Variants in THSD7B observed in about 807,000 individuals in gnomAD.
THSD7B encodes the protein thrombospondin type 1 domain containing 7B.
A neutral mutation model predicts 213.6 loss-of-function variants in THSD7B; 138 were observed. The observed-to-expected ratio is 0.65, with a 90% CI of 0.56 to 0.74. THSD7B has a LOEUF of 0.74. Ranked by LOEUF, THSD7B falls within the 30% of genes least tolerant of loss-of-function variation. The probability of loss-of-function intolerance (pLI) is 0.00; values close to 1 mark genes in which losing one functional copy is unlikely to be tolerated. For synonymous variants in THSD7B, 742 were observed against 687.0 expected (o/e 1.08, Z -1.25); for missense variants, 1,931 against 1,991.5 (o/e 0.97, Z 0.58).
intron 3 of THSD7B, among the ~76,000 whole-genome samples, chr2:137,087,855 G>C (rs1335737839): frequency 2.0e-5 from 3 of 152,100 alleles, no homozygotes; most frequent in Non-Finnish European, 4.4e-5. Context: ...GCAAGACTAA[G>C]CAAAAAGGAC....
At position 137,615,572 on chromosome 2, in the gene THSD7B, T is replaced by C. The variant is rs114718538; in HGVS notation, c.3424-603T>C. ...GTATCATGATATTTGCAGGATATCT[T>C]TGGAGTTCACATTTTCACATTAATT... is the stretch of plus-strand genomic sequence containing the variant. On this transcript the variant is annotated intron_variant, in intron 17 of 27. Transcript: ENST00000409968. Among the ~76,000 whole-genome samples, 597 of 152,320 alleles carry C rather than the reference T, an allele frequency of 3.9e-3. 5 individuals are homozygous for C. Among genetic ancestry groups the C allele is most frequent in the African/African-American group, 0.014 (574 of 41,580 alleles).
chr2:137,421,046 A>ATTC lies in THSD7B; in HGVS notation c.2959+9174_2959+9175insTTC, dbSNP rs979725894. Among the ~76,000 whole-genome samples, 32 of 5,968 alleles carry ATTC rather than the reference A, an allele frequency of 5.4e-3. 1 individual carries two copies. The South Asian group carries it at 0.3, about 55-fold the overall frequency. The allele number at this position is 5,968 out of a possible 152,430, so 3.9% of individuals were successfully genotyped here. ...TTCTTCTTCTGCAGCAAACCTTTTG[A>ATTC]CTCCTTATAAAAACACTTACGACTA... On this transcript the variant is annotated intron_variant, in intron 14 of 27. Coordinates refer to ENST00000409968, the MANE Select transcript of THSD7B (RefSeq NM_001316349.2).
intron 10 of THSD7B, among the ~76,000 whole-genome samples, chr2:137,255,472 A>G (rs969805961): frequency 2.6e-5 from 4 of 152,116 alleles, no homozygotes; most frequent in South Asian, 2.1e-4. Context: ...CACAAGAACT[A>G]CTATGGAAGT....
At chr2:137,113,522 C>A (rs979176543) in intron 4 of THSD7B, among the ~76,000 whole-genome samples, 1 of 152,014 alleles carries the variant, frequency 6.6e-6, no homozygotes, top group Non-Finnish European at 1.5e-5. Context: ...CCGCACCCTC[C>A]GCCTCCTGGG....
At chr2:137,356,381 A>G (rs2104927990) in intron 12 of THSD7B, among the ~76,000 whole-genome samples, 1 of 152,264 alleles carries the variant, frequency 6.6e-6, no homozygotes, top group African/African-American at 2.4e-5. Flanking sequence ...CAAGCATCAG[A>G]TAACATCCTT....
intron 1 of THSD7B, among the ~76,000 whole-genome samples, chr2:136,832,901 A>C (rs956567336): frequency 9.7e-4 from 148 of 152,244 alleles, no homozygotes; most frequent in African/African-American, 3.3e-3. Context: ...CTCTAGTTAT[A>C]CTTTATCTCA....
rs1224685995 is a variant in THSD7B, at chr2:137,057,091, T to C, written c.811T>C (p.Ser271Pro). 2 of 1,613,854 alleles carry C rather than the reference T, an allele frequency of 1.2e-6. No individual in the cohort carries two copies. The highest frequency in any genetic ancestry group is 1.3e-5 in the African/African-American group (1 of 74,900). ...CGGAAGAACTGTTCTGGATTTTAAC[T>C]CTGATTCAAATGAGCGAGTCACCTT... ...PSGRTVLDFN[S>P]DSNERVTFKH... The change falls in exon 3 of 28, where the codon TCT (serine) becomes CCT (proline). Residue 271 changes from serine to proline, a missense_variant. Ser to Pro is a moderately conservative substitution (Grantham distance 74). Transcript: ENST00000409968.
intron 4 of THSD7B, among the ~76,000 whole-genome samples, chr2:137,099,380 G>A (rs1688103764): frequency 6.6e-6 from 1 of 152,138 alleles, no homozygotes; most frequent in African/African-American, 2.4e-5. Flanking sequence ...AGGCAGTACT[G>A]TTTAGTAGAT....
intron 12 of THSD7B, among the ~76,000 whole-genome samples, chr2:137,381,852 G>A (rs1685783427): frequency 6.6e-6 from 1 of 152,224 alleles, no homozygotes; most frequent in Admixed American, 6.5e-5. Context: ...ACTACGTGCT[G>A]CAGCCAGGCT....
At chr2:137,405,327 G>C (rs978092570) in intron 12 of THSD7B, among the ~76,000 whole-genome samples, 1 of 151,962 alleles carries the variant, frequency 6.6e-6, no homozygotes, top group Non-Finnish European at 1.5e-5. Context: ...CTAGAGATTA[G>C]ATGCTGAGGA....
Position 137,411,464 on chromosome 2 carries a change from G to T in THSD7B, c.2696-145G>T, listed in dbSNP as rs371257147. ...CTGGGAGTTGTTTCCGTTGTCTCAG[G>T]ATTTACTTTCATGACAAAAGAGTGA... is the stretch of plus-strand genomic sequence containing the variant. On this transcript the variant is annotated intron_variant, in intron 13 of 27. Coordinates refer to ENST00000409968, the MANE Select transcript of THSD7B (RefSeq NM_001316349.2). 1,520 of 738,690 alleles carry T rather than the reference G, an allele frequency of 2.1e-3. 15 individuals carry two copies. In the South Asian group the frequency reaches 0.022, roughly 11 times the overall value. The allele number at this position is 738,690 out of a possible 1,614,324, so 45.8% of individuals were successfully genotyped here.
chr2:137,084,081 G>A (rs1463528351), intron 3 of THSD7B, among the ~76,000 whole-genome samples: 1 of 110,324 alleles, frequency 9.1e-6, no homozygotes, highest in Non-Finnish European at 1.8e-5. Flanking sequence ...CTTCTAATCA[G>A]TATTTTTTCC....
chr2:137,393,309 C>T (rs1371945840), intron 12 of THSD7B, among the ~76,000 whole-genome samples: 3 of 151,966 alleles, frequency 2.0e-5, no homozygotes, highest in East Asian at 3.9e-4. Context: ...ATCCCTCCCC[C>T]TTCCCACCAC....
intron 1 of THSD7B, among the ~76,000 whole-genome samples, chr2:136,806,718 A>G (rs975647323): frequency 1.3e-5 from 2 of 152,134 alleles, no homozygotes; most frequent in South Asian, 2.1e-4. Flanking sequence ...GTTTCCTATT[A>G]TTATTAGCTA....
intron 15 of THSD7B, among the ~76,000 whole-genome samples, chr2:137,500,649 A>G (rs1473283635): frequency 6.6e-6 from 1 of 152,258 alleles, no homozygotes; most frequent in Non-Finnish European, 1.5e-5. Flanking sequence ...ACTAATATGT[A>G]TGTCAAGTGT....
chr2:137,386,188 C>A (rs1251896022), intron 12 of THSD7B, among the ~76,000 whole-genome samples: 1 of 152,206 alleles, frequency 6.6e-6, no homozygotes, highest in African/African-American at 2.4e-5. Flanking sequence ...AGCATTTGTG[C>A]ATCATTCCTT....
intron 18 of THSD7B, 99 bp from the exon 19 acceptor site, chr2:137,618,293 T>C: frequency 1.1e-6 from 1 of 894,786 alleles, no homozygotes; most frequent in Non-Finnish European, 1.7e-6. Context: ...GGATTATGTG[T>C]GGATTATTCT....
At position 137,032,215 on chromosome 2, in the gene THSD7B, G is replaced by A. The variant is rs185064060; in HGVS notation, c.140-24205G>A. On this transcript the variant is annotated intron_variant, in intron 2 of 27. Transcript: ENST00000409968. The stretch of plus-strand genomic sequence containing the variant: ...GCATTCCAAGAACACCCTACTAATA[G>A]AGTAAAGTTGGGACATGAAGTTAAA... Among the ~76,000 whole-genome samples, 483 of 152,054 alleles carry A rather than the reference G, an allele frequency of 3.2e-3. 1 individual carries two copies. The highest frequency in any genetic ancestry group is 5.8e-3 in the Admixed American group (89 of 15,278).
chr2:137,245,702 T>C (rs1345137907), intron 10 of THSD7B, among the ~76,000 whole-genome samples: 1 of 152,186 alleles, frequency 6.6e-6, no homozygotes, highest in Admixed American at 6.5e-5. Flanking sequence ...CAGCCTAGTA[T>C]GGGGCATATA....
Sources: allele counts gnomAD v4.1 joint callset (sites outside exome capture counted in the v4.1 genomes callset), GRCh38; gene constraint gnomAD v4.1.1; transcripts MANE v1.5; gene names NCBI Gene and HGNC (gene_info 2026-07-23, HGNC 2026-07-21).